The following ZNHIT6 variants were observed in gnomAD, a reference collection of about 807,000 sequenced individuals.
The protein encoded by ZNHIT6 is box C/D snoRNA protein 1.
A neutral mutation model predicts 57.2 loss-of-function variants in ZNHIT6; 45 were observed. That is an observed-to-expected ratio of 0.79 (90% confidence interval 0.62 to 1.01). The LOEUF (loss-of-function observed/expected upper bound fraction) is 1.01, where lower values mean the gene tolerates loss of function less well. Ranked by LOEUF, ZNHIT6 falls within the 50% of genes least tolerant of loss-of-function variation. The probability of loss-of-function intolerance (pLI) is 0.00; values close to 1 mark genes in which losing one functional copy is unlikely to be tolerated. For synonymous variants in ZNHIT6, 188 were observed against 190.0 expected, an observed-to-expected ratio of 0.99 and a Z score of 0.09; for missense variants, 528 against 567.3, an observed-to-expected ratio of 0.93 and a Z score of 0.70.
intron 5 of ZNHIT6, among the ~76,000 whole-genome samples, 162 bp downstream of exon 5, chr1:85,701,995 G>C (rs1159540215): frequency 2.6e-5 from 4 of 151,922 alleles, no homozygotes; most frequent in Non-Finnish European, 4.4e-5. Context: ...ATTTTTATTA[G>C]AGTTACATGA....
intron 6 of ZNHIT6, among the ~76,000 whole-genome samples, chr1:85,679,015 T>C (rs1167349605): frequency 1.3e-5 from 2 of 152,056 alleles, no homozygotes; most frequent in African/African-American, 4.8e-5. Context: ...TTTTGAGAAG[T>C]TCTGTATAAA....
At chr1:85,687,439 G>T (rs1311549922) in intron 5 of ZNHIT6, among the ~76,000 whole-genome samples, 1 of 151,976 alleles carries the variant, frequency 6.6e-6, no homozygotes, top group African/African-American at 2.4e-5. Flanking sequence ...GGCTAGAGAT[G>T]AAACTAGACA....
intron 1 of ZNHIT6, among the ~76,000 whole-genome samples, 194 bp downstream of exon 1, chr1:85,707,435 C>T (rs1208313309): frequency 1.3e-5 from 2 of 152,172 alleles, no homozygotes; most frequent in Admixed American, 1.3e-4. Flanking sequence ...TGTATTTTCA[C>T]TGAATTTGTT....
intron 5 of ZNHIT6, among the ~76,000 whole-genome samples, chr1:85,694,799 T>C (rs914674122): frequency 4.6e-5 from 7 of 152,096 alleles, no homozygotes; most frequent in Non-Finnish European, 7.4e-5. Flanking sequence ...AAACTTTAAA[T>C]AGGTAAAACT....
At chr1:85,660,687 G>A (rs896667724) in intron 8 of ZNHIT6, among the ~76,000 whole-genome samples, 4 of 151,904 alleles carry the variant, frequency 2.6e-5, no homozygotes, top group Non-Finnish European at 5.9e-5. Flanking sequence ...ACACTTATTT[G>A]GATCCTGAAA....
chr1:85,678,754 T>G lies in ZNHIT6; in HGVS notation c.1116A>C (p.Glu372Asp). 6.3e-7 allele frequency: 1 copy of G among 1,587,266 alleles called. No homozygotes were observed. Among genetic ancestry groups the G allele is most frequent in the Non-Finnish European group, 8.6e-7 (1 of 1,165,714 alleles). ...KRVPDDKTIN[E>D]ILKPYIDPEK... Reference sequence around the variant, plus strand: ...CAGGATCAATGTAAGGTTTTAGGATTTCATTAATAGTTTTATCATCTGGTA... The same window carrying G: ...CAGGATCAATGTAAGGTTTTAGGATGTCATTAATAGTTTTATCATCTGGTA... The change falls in exon 7 of 10, where the codon GAA becomes GAC. Residue 372 changes from glutamate (E) to aspartate (D), a missense_variant. Physicochemically the swap from Glu to Asp is conservative, Grantham distance 45 (BLOSUM62 2). Transcript: ENST00000370574.
intron 8 of ZNHIT6, among the ~76,000 whole-genome samples, chr1:85,673,956 A>C (rs1308381300): frequency 6.6e-6 from 1 of 152,242 alleles, no homozygotes; most frequent in Admixed American, 6.5e-5. Flanking sequence ...GGTTCTTTAG[A>C]AATTAGCATA....
At chr1:85,691,842 C>T (rs192465709) in intron 5 of ZNHIT6, among the ~76,000 whole-genome samples, 259 of 152,194 alleles carry the variant, frequency 1.7e-3, no homozygotes, top group African/African-American at 5.8e-3. Context: ...GCTAAGATCA[C>T]GCCACTAACT....
At chr1:85,660,804 G>A (rs183397486) in intron 8 of ZNHIT6, among the ~76,000 whole-genome samples, 16 of 152,218 alleles carry the variant, frequency 1.1e-4, no homozygotes, top group African/African-American at 3.6e-4. Flanking sequence ...CACTAAGGAT[G>A]CAAAGATTTA....
At position 85,707,991 on chromosome 1, in the gene ZNHIT6, T is replaced by C. The variant is rs1166216779; in HGVS notation, c.294A>G (p.Glu98=). The change falls in exon 1 of 10, where the codon GAA becomes GAG. Residue 98 remains glutamate, a synonymous_variant. Coordinates refer to ENST00000370574, the MANE Select transcript of ZNHIT6 (RefSeq NM_017953.4). ...CCTCAGGCCTATCCTCCACCTCCTGTTCTACCCACTGGCCAGCCAACCTGC... is the reference window on the plus strand; with the variant it reads ...CCTCAGGCCTATCCTCCACCTCCTGCTCTACCCACTGGCCAGCCAACCTGC... ...TEGRLAGQWV[E]QEVEDRPEVK... 1.9e-6 allele frequency: 3 copies of C among 1,614,112 alleles called. No individual in the cohort carries two copies. In the South Asian group the frequency reaches 3.3e-5, roughly 18 times the overall value.
intron 6 of ZNHIT6, among the ~76,000 whole-genome samples, chr1:85,678,989 G>A (rs1289713615): frequency 1.3e-5 from 2 of 151,818 alleles, no homozygotes; most frequent in Non-Finnish European, 2.9e-5. Flanking sequence ...CACACTTAAG[G>A]TCTTAAAAAA....
chr1:85,669,016 C>A (rs1661468901), intron 8 of ZNHIT6, among the ~76,000 whole-genome samples: 1 of 152,130 alleles, frequency 6.6e-6, no homozygotes, highest in Non-Finnish European at 1.5e-5. Flanking sequence ...TTTCTGGGTC[C>A]TATGTAAGAT....
chr1:85,668,393 CAA>C (rs766118987), intron 8 of ZNHIT6, among the ~76,000 whole-genome samples: 40 of 152,174 alleles, frequency 2.6e-4, no homozygotes, highest in Non-Finnish European at 4.0e-4. Context: ...AAAAGGAAAA[CAA>C]GAGGAAGTTT....
chr1:85,696,662 C>T (rs1484903395), intron 5 of ZNHIT6, among the ~76,000 whole-genome samples: 1 of 151,830 alleles, frequency 6.6e-6, no homozygotes. Flanking sequence ...ACATTTTATA[C>T]AATAAAATAT....
At chr1:85,686,820 G>A (rs1323915464) in intron 5 of ZNHIT6, among the ~76,000 whole-genome samples, 1 of 152,260 alleles carries the variant, frequency 6.6e-6, no homozygotes, top group South Asian at 2.1e-4. Context: ...GGATGGGGGA[G>A]AGGTTAAGTG....
chr1:85,679,074 T>C (rs559224820), intron 6 of ZNHIT6, among the ~76,000 whole-genome samples: 1 of 152,120 alleles, frequency 6.6e-6, no homozygotes, highest in South Asian at 2.1e-4. Context: ...TACTCAAACA[T>C]GAAAAGACGA....
Position 85,652,031 on chromosome 1 carries a change from A to G in ZNHIT6, c.*2027T>C, listed in dbSNP as rs1660924459. 1 of 152,224 alleles carries G rather than the reference A, an allele frequency of 6.6e-6. No homozygotes were observed. The highest frequency in any genetic ancestry group is 1.5e-5 in the Non-Finnish European group (1 of 68,042). 9.4% of individuals were successfully genotyped at this position (152,224 alleles called of 1,614,324 possible). ...AAAGTCTAATAGAATTCTAGAAAAT[A>G]AAGATGGCAAAGATGCATTAGATAA... On this transcript the variant is annotated 3_prime_UTR_variant, in exon 10 of 10. Coordinates refer to ENST00000370574, the MANE Select transcript of ZNHIT6 (RefSeq NM_017953.4).
chr1:85,672,324 A>G (rs905534778), intron 8 of ZNHIT6, among the ~76,000 whole-genome samples: 1 of 152,180 alleles, frequency 6.6e-6, no homozygotes, highest in Non-Finnish European at 1.5e-5. Context: ...TCTACTGCCA[A>G]GGAGACCAGA....
chr1:85,678,793 A>AG lies in ZNHIT6; in HGVS notation c.1089-13dup. On this transcript the variant is annotated splice_polypyrimidine_tract_variant and intron_variant, in intron 6 of 9. Coordinates refer to ENST00000370574, the MANE Select transcript of ZNHIT6 (RefSeq NM_017953.4). ...TATCATCTGGTACTCTTTACAACAA[A>AG]GAAAAAAAAACAAGCTATATTAGTA... 2 of 1,405,390 alleles carry AG rather than the reference A, an allele frequency of 1.4e-6. No homozygotes were observed. The highest frequency in any genetic ancestry group is 1.4e-5 in the South Asian group (1 of 73,848). The allele number at this position is 1,405,390 out of a possible 1,614,324, so 87.1% of individuals were successfully genotyped here.
Sources: allele counts gnomAD v4.1 joint callset (sites outside exome capture counted in the v4.1 genomes callset), GRCh38; gene constraint gnomAD v4.1.1; transcripts MANE v1.5; gene names NCBI Gene and HGNC (gene_info 2026-07-23, HGNC 2026-07-21).